Variants in ARRB1 observed in about 807,000 individuals in gnomAD.
The protein encoded by ARRB1 is beta-arrestin-1.
In ARRB1, 21 loss-of-function variants were observed where a neutral mutation model predicts 56.8. The ratio of observed to expected loss-of-function variants is 0.37; its 90% CI spans 0.26 to 0.53. The LOEUF (loss-of-function observed/expected upper bound fraction) is 0.53, where lower values mean the gene tolerates loss of function less well. ARRB1 is among the 20% of genes least tolerant of loss of function. The pLI is 0.88. For synonymous variants in ARRB1, 210 were observed against 218.6 expected, an observed-to-expected ratio of 0.96 and a Z score of 0.35; for missense variants, 424 against 553.7, an observed-to-expected ratio of 0.77 and a Z score of 2.35.
At chr11:75,308,541 C>A (rs935490263) in intron 1 of ARRB1, among the ~76,000 whole-genome samples, 1 of 152,144 alleles carries the variant, frequency 6.6e-6, no homozygotes, top group Admixed American at 6.5e-5. Flanking sequence ...GTCAGGAATT[C>A]AAGACCAGCC....
intron 1 of ARRB1, among the ~76,000 whole-genome samples, chr11:75,331,705 G>A (rs557850733): frequency 3.3e-5 from 5 of 150,552 alleles, no homozygotes; most frequent in African/African-American, 1.2e-4. Flanking sequence ...TCTCTTTTCG[G>A]ACTCAGCCCG....
intron 1 of ARRB1, among the ~76,000 whole-genome samples, chr11:75,292,920 G>A (rs1003444889): frequency 7.9e-5 from 12 of 152,170 alleles, no homozygotes; most frequent in African/African-American, 2.9e-4. Context: ...AGCAAGCCAG[G>A]GGCTCGGTCA....
rs755700985 is a variant in ARRB1 at position 75,266,151 on chromosome 11, G to C, written c.*12C>G. ...GTGGAGCCGGAGCCACGTGGAGGCA[G>C]GGCCGGCCCGTCTATCTGTTGTTGA... On this transcript the variant is annotated 3_prime_UTR_variant, in exon 16 of 16. Coordinates refer to ENST00000420843, the MANE Select transcript of ARRB1 (RefSeq NM_004041.5). The C allele has an allele frequency of 6.2e-7, 1 of 1,610,696 alleles. No individual in the cohort carries two copies. The highest frequency in any genetic ancestry group is 2.2e-5 in the East Asian group (1 of 44,868).
chr11:75,284,410 G>A (rs1007140859), intron 3 of ARRB1, 131 bp from the exon 4 acceptor site: 7 of 935,072 alleles, frequency 7.5e-6, no homozygotes, highest in African/African-American at 1.6e-5. Flanking sequence ...ATGGAAAGGC[G>A]GGCACCTAGA....
At chr11:75,314,131 C>G (rs2140486906) in intron 1 of ARRB1, among the ~76,000 whole-genome samples, 1 of 152,338 alleles carries the variant, frequency 6.6e-6, no homozygotes, top group African/African-American at 2.4e-5. Flanking sequence ...ACTTCGGGGT[C>G]TCCCACAGGA....
At chr11:75,311,648 G>A (rs1331780445) in intron 1 of ARRB1, among the ~76,000 whole-genome samples, 1 of 151,964 alleles carries the variant, frequency 6.6e-6, no homozygotes, top group Admixed American at 6.6e-5. Flanking sequence ...CCTCTCCCAC[G>A]GCCCTCCACC....
intron 1 of ARRB1, among the ~76,000 whole-genome samples, chr11:75,338,312 T>C (rs1006481612): frequency 6.6e-6 from 1 of 152,066 alleles, no homozygotes; most frequent in African/African-American, 2.4e-5. Flanking sequence ...TAGAAGACAA[T>C]TGTAATGATC....
rs776024461 is a variant in ARRB1 at position 75,276,958 on chromosome 11, C to T, written c.704-47G>A. ...GGTGGAGTGAGTCGGGAATGTAGCTCCCATGGAGTCTCACAGGCGTCCCCG... is the reference window on the plus strand; with the variant it reads ...GGTGGAGTGAGTCGGGAATGTAGCTTCCATGGAGTCTCACAGGCGTCCCCG... On this transcript the variant is annotated intron_variant, in intron 9 of 15. Coordinates refer to ENST00000420843, the MANE Select transcript of ARRB1 (RefSeq NM_004041.5). 2.5e-6 allele frequency: 4 copies of T among 1,592,708 alleles called. No individual in the cohort carries two copies. The South Asian group carries it at 4.4e-5, about 18-fold the overall frequency.
At position 75,281,997 on chromosome 11, in the gene ARRB1, C is replaced by T. The variant is rs927691955; in HGVS notation, c.379G>A (p.Val127Met). The change falls in exon 6 of 16, where the codon GTG becomes ATG. Residue 127 changes from valine to methionine, a missense_variant. Coordinates refer to ENST00000420843, the MANE Select transcript of ARRB1 (RefSeq NM_004041.5). ...FEIPPNLPCS[V>M]TLQPGPEDTG... ...TCTTCGGGCCCCGGCTGCAGTGTCA[C>T]AGAACATGGAAGGTTTGGAGGGATC... 6.2e-7 allele frequency: 1 copy of T among 1,614,134 alleles called. No individual in the cohort carries two copies. The highest frequency in any genetic ancestry group is 8.5e-7 in the Non-Finnish European group (1 of 1,179,992).
intron 9 of ARRB1, 80 bp downstream of exon 9, chr11:75,277,284 G>A: frequency 1.5e-6 from 2 of 1,375,736 alleles, no homozygotes; most frequent in Non-Finnish European, 2.1e-6. Context: ...CTGTTAACAA[G>A]GGGAGATACT....
At chr11:75,296,165 G>A (rs370780684) in intron 1 of ARRB1, among the ~76,000 whole-genome samples, 14 of 114,988 alleles carry the variant, frequency 1.2e-4, no homozygotes, top group African/African-American at 4.1e-4. Context: ...TAGCCTGGGC[G>A]ACAGAGTAAG....
At chr11:75,298,727 T>C (rs774138776) in intron 1 of ARRB1, among the ~76,000 whole-genome samples, 1 of 151,876 alleles carries the variant, frequency 6.6e-6, no homozygotes, top group Non-Finnish European at 1.5e-5. Context: ...AAAAAACTTA[T>C]GCATAAATGT....
At chr11:75,269,216 T>TG (rs1246898096) in intron 13 of ARRB1, 1 of 702,288 alleles carries the variant, frequency 1.4e-6, no homozygotes. Flanking sequence ...TCCCACGGGC[T>TG]GGGAAGAGGC....
chr11:75,271,630 TG>T, intron 13 of ARRB1, 70 bp downstream of exon 13: 1 of 1,475,118 alleles, frequency 6.8e-7, no homozygotes, highest in Non-Finnish European at 9.2e-7. Flanking sequence ...CCTGTGATTC[TG>T]GTCAGTCAAG....
intron 1 of ARRB1, among the ~76,000 whole-genome samples, chr11:75,332,075 TA>T (rs1947531366): frequency 7.1e-6 from 1 of 141,656 alleles, no homozygotes; most frequent in Non-Finnish European, 1.5e-5. Flanking sequence ...CAACCCCCTT[TA>T]ACTGTAATTT....
At chr11:75,338,958 A>T (rs1446555672) in intron 1 of ARRB1, among the ~76,000 whole-genome samples, 1 of 152,168 alleles carries the variant, frequency 6.6e-6, no homozygotes, top group East Asian at 1.9e-4. Context: ...GGATGAACAC[A>T]TTATCTCCAG....
At chr11:75,311,826 G>A (rs75585826) in intron 1 of ARRB1, among the ~76,000 whole-genome samples, 7,260 of 152,216 alleles carry the variant, frequency 0.048, 600 homozygotes, top group African/African-American at 0.17. Context: ...CCTGTCCGGC[G>A]GCAGCACCCC....
At chr11:75,304,571 G>T (rs1182400945) in intron 1 of ARRB1, among the ~76,000 whole-genome samples, 2 of 152,052 alleles carry the variant, frequency 1.3e-5, no homozygotes, top group Admixed American at 6.6e-5. Flanking sequence ...CAGTACCGTT[G>T]GTTCTCAGCC....
At chr11:75,281,823 G>T in intron 6 of ARRB1, 139 bp downstream of exon 6, 3 of 845,398 alleles carry the variant, frequency 3.5e-6, no homozygotes, top group Non-Finnish European at 5.6e-6. Context: ...TCCAAGGTGG[G>T]ACCAGCTTAG....
Sources: allele counts gnomAD v4.1 joint callset (sites outside exome capture counted in the v4.1 genomes callset), GRCh38; gene constraint gnomAD v4.1.1; transcripts MANE v1.5; gene names NCBI Gene and HGNC (gene_info 2026-07-23, HGNC 2026-07-21).